The following KPNA1 variants were observed in gnomAD, a reference collection of about 807,000 sequenced individuals.
KPNA1 encodes the protein karyopherin subunit alpha 1, also known as importin subunit alpha-5.
Under a neutral mutation model 70.5 loss-of-function variants are expected in KPNA1, and 10 were observed. The observed-to-expected ratio is 0.14, with a 90% CI of 0.09 to 0.24. KPNA1 has a LOEUF of 0.24. Among genes scored for constraint, KPNA1 ranks in the 10% least tolerant of loss-of-function variants. The probability of loss-of-function intolerance (pLI) is 1.00; values close to 1 mark genes in which losing one functional copy is unlikely to be tolerated. For missense variants in KPNA1, 397 were observed against 637.9 expected (o/e 0.62, Z 4.07); for synonymous variants, 192 against 221.9 (o/e 0.87, Z 1.20).
intron 2 of KPNA1, among the ~76,000 whole-genome samples, chr3:122,474,971 A>G (rs1576322082): frequency 2.0e-5 from 3 of 152,344 alleles, no homozygotes; most frequent in Admixed American, 6.5e-5. Context: ...CACTCTTGCC[A>G]TCTTCACTCA....
At chr3:122,463,445 A>C (rs1309005804) in intron 4 of KPNA1, among the ~76,000 whole-genome samples, 4 of 151,264 alleles carry the variant, frequency 2.6e-5, no homozygotes, top group African/African-American at 9.7e-5. Flanking sequence ...CGCTTGAACC[A>C]GGGAGTCGGA....
intron 1 of KPNA1, among the ~76,000 whole-genome samples, chr3:122,514,196 T>A (rs1194699840): frequency 6.6e-6 from 1 of 151,992 alleles, no homozygotes; most frequent in Non-Finnish European, 1.5e-5. Context: ...ATCGGTAAAC[T>A]GCAGCCGGCC....
At chr3:122,470,437 G>A (rs1038316885) in intron 2 of KPNA1, among the ~76,000 whole-genome samples, 4 of 151,552 alleles carry the variant, frequency 2.6e-5, no homozygotes, top group Non-Finnish European at 4.4e-5. Context: ...GCGTGAACCC[G>A]GGGGGTGGAG....
At chr3:122,512,448 G>A (rs1170679341) in intron 1 of KPNA1, among the ~76,000 whole-genome samples, 3 of 152,224 alleles carry the variant, frequency 2.0e-5, no homozygotes, top group Admixed American at 6.5e-5. Flanking sequence ...GCGGCTGGGC[G>A]CGGTGGCTCA....
chr3:122,467,635 T>C (rs1393285082), intron 2 of KPNA1, among the ~76,000 whole-genome samples: 2 of 147,746 alleles, frequency 1.4e-5, no homozygotes, highest in East Asian at 2.2e-4. Context: ...CAACATGCTA[T>C]AAACAACACT....
intron 10 of KPNA1, 151 bp from the exon 11 acceptor site, chr3:122,437,446 TAATAAGAA>T: frequency 1.8e-6 from 1 of 569,780 alleles, no homozygotes; most frequent in South Asian, 2.7e-5. Flanking sequence ...TATTCACTGT[TAATAAGAA>T]TTAGTTTCTA....
chr3:122,462,660 G>A (rs2076337046), intron 4 of KPNA1, among the ~76,000 whole-genome samples: 1 of 151,686 alleles, frequency 6.6e-6, no homozygotes, highest in Non-Finnish European at 1.5e-5. Flanking sequence ...TTTTAAAAGG[G>A]GTGAGGAAGT....
At chr3:122,465,431 T>G (rs2076369623) in intron 3 of KPNA1, among the ~76,000 whole-genome samples, 1 of 152,210 alleles carries the variant, frequency 6.6e-6, no homozygotes, top group African/African-American at 2.4e-5. Flanking sequence ...TGGTTGACTA[T>G]CTCGTGTAAT....
At chr3:122,466,006 T>C (rs1185772586) in intron 3 of KPNA1, among the ~76,000 whole-genome samples, 1 of 152,288 alleles carries the variant, frequency 6.6e-6, no homozygotes, top group South Asian at 2.1e-4. Flanking sequence ...ATACAATCCA[T>C]AAAACACTTT....
At chr3:122,452,149 G>A (rs752466461) in intron 6 of KPNA1, 85 bp from the exon 7 acceptor site, 9 of 843,456 alleles carry the variant, frequency 1.1e-5, no homozygotes, top group Non-Finnish European at 1.8e-5. Flanking sequence ...ACAATAACAC[G>A]TTCATCAGGG....
At chr3:122,507,551 A>C (rs543461026) in intron 1 of KPNA1, among the ~76,000 whole-genome samples, 1 of 152,250 alleles carries the variant, frequency 6.6e-6, no homozygotes, top group South Asian at 2.1e-4. Context: ...TTATACAAGA[A>C]AAAAACTTTC....
intron 2 of KPNA1, among the ~76,000 whole-genome samples, chr3:122,468,326 A>G (rs1298473923): frequency 3.9e-5 from 6 of 152,336 alleles, no homozygotes; most frequent in Admixed American, 1.3e-4. Flanking sequence ...CCTAAAATTC[A>G]TAACGCAGAG....
At chr3:122,513,615 G>A (rs1174093814) in intron 1 of KPNA1, among the ~76,000 whole-genome samples, 1 of 150,678 alleles carries the variant, frequency 6.6e-6, no homozygotes, top group African/African-American at 2.5e-5. Context: ...ATCAGCCCGG[G>A]AAACAAAGCA....
intron 5 of KPNA1, chr3:122,460,662 A>AAAT: frequency 2.5e-6 from 2 of 797,732 alleles, no homozygotes; most frequent in Non-Finnish European, 3.0e-6. Flanking sequence ...AAAAAAAAAA[A>AAAT]GAAAATTCTG....
At chr3:122,438,856 AG>A (rs2076025465) in intron 10 of KPNA1, among the ~76,000 whole-genome samples, 1 of 152,204 alleles carries the variant, frequency 6.6e-6, no homozygotes, top group Non-Finnish European at 1.5e-5. Flanking sequence ...ATAAAAATAA[AG>A]AAATTATAGG....
intron 1 of KPNA1, among the ~76,000 whole-genome samples, chr3:122,512,638 C>G (rs2076967825): frequency 6.6e-6 from 1 of 152,180 alleles, no homozygotes; most frequent in South Asian, 2.1e-4. Flanking sequence ...GGCAGGAGAA[C>G]TGCTTGAACC....
intron 12 of KPNA1, among the ~76,000 whole-genome samples, chr3:122,430,013 A>G (rs1283173926): frequency 6.6e-6 from 1 of 151,856 alleles, no homozygotes; most frequent in Non-Finnish European, 1.5e-5. Context: ...AAGTTTAGTA[A>G]TTCTTTCTTC....
rs1368839268 is a variant in KPNA1, at chr3:122,464,049, C to A, written c.238-8G>T. 2 of 1,506,960 alleles carry A rather than the reference C, an allele frequency of 1.3e-6. No homozygotes were observed. The highest frequency in any genetic ancestry group is 4.6e-5 in the East Asian group (2 of 43,686). The allele number at this position is 1,506,960 out of a possible 1,614,324, so 93.3% of individuals were successfully genotyped here. The stretch of plus-strand genomic sequence containing the variant: ...AGAAGTGATGACACCACCCTGCGAT[C>A]ACAAACAAAAAGAACATATAATAAA... On this transcript the variant is annotated splice_polypyrimidine_tract_variant and splice_region_variant and intron_variant, in intron 3 of 13. Coordinates refer to ENST00000344337, the MANE Select transcript of KPNA1 (RefSeq NM_002264.4).
At chr3:122,497,039 C>T (rs2076771030) in intron 1 of KPNA1, among the ~76,000 whole-genome samples, 1 of 152,182 alleles carries the variant, frequency 6.6e-6, no homozygotes, top group African/African-American at 2.4e-5. Flanking sequence ...ATGTGCTATT[C>T]AACAGTTTTT....
Sources: allele counts gnomAD v4.1 joint callset (sites outside exome capture counted in the v4.1 genomes callset), GRCh38; gene constraint gnomAD v4.1.1; transcripts MANE v1.5; gene names NCBI Gene and HGNC (gene_info 2026-07-23, HGNC 2026-07-21).